FRAS1: variants seen among roughly 807,000 people sequenced by gnomAD.
FRAS1 encodes the protein extracellular matrix organizing protein FRAS1.
FRAS1 carries 290 observed loss-of-function variants against 435.2 expected under a neutral mutation model. That is an observed-to-expected ratio of 0.67 (90% CI 0.61 to 0.73). The LOEUF (loss-of-function observed/expected upper bound fraction) is 0.73. Ranked by LOEUF, FRAS1 falls within the 30% of genes least tolerant of loss-of-function variation. FRAS1 has a pLI of 0.00. For missense variants in FRAS1, 4,860 were observed against 5,001.5 expected, an observed-to-expected ratio of 0.97 and a Z score of 0.85; for synonymous variants, 1,800 against 1,851.0, an observed-to-expected ratio of 0.97 and a Z score of 0.71.
intron 4 of FRAS1, among the ~76,000 whole-genome samples, chr4:78,248,523 A>G (rs1725366651): frequency 6.6e-6 from 1 of 152,158 alleles, no homozygotes; most frequent in Non-Finnish European, 1.5e-5. Context: ...GGGAGTAGGA[A>G]GGGACAGGCC....
chr4:78,466,341 G>A lies in FRAS1; in HGVS notation c.7163G>A (p.Ser2388Asn), dbSNP rs77601278. 134 of 1,613,880 alleles carry A rather than the reference G, an allele frequency of 8.3e-5. No individual in the cohort carries two copies. The African/African-American group carries it at 1.7e-3, about 21-fold the overall frequency. The change falls in exon 50 of 74, where the codon AGC becomes AAC. Residue 2388 changes from serine (S) to asparagine (N), a missense_variant. Physicochemically the swap from Ser to Asn is conservative, Grantham distance 46. Transcript: ENST00000512123. ...KDIYQNRVSY[S>N]HDGSNSLKDR... ...ATCTACCAGAACCGGGTCAGCTACA[G>A]CCATGACGGCAGTAACTCCCTCAAG...
chr4:78,306,038 G>A (rs1376153795), intron 14 of FRAS1, among the ~76,000 whole-genome samples: 2 of 151,946 alleles, frequency 1.3e-5, no homozygotes, highest in Non-Finnish European at 2.9e-5. Context: ...TCCTTCAGGA[G>A]CTCTTTTATG....
In FRAS1 at chr4:78,445,525, A is replaced by T; in HGVS notation, c.5669A>T (p.Asp1890Val). ...YGCIENTGTGDRFGPETASDL... is the reference protein window; with the variant it reads ...YGCIENTGTGVRFGPETASDL... The stretch of plus-strand genomic sequence containing the variant: ...TGCTCTCTTGATGTTGATGCAGGTG[A>T]TCGTTTTGGCCCTGAAACTGCCAGT... The change falls in exon 42 of 74, where the codon GAT becomes GTT. Residue 1890 changes from aspartate (D) to valine (V), a missense_variant. Transcript: ENST00000512123. The T allele has an allele frequency of 1.3e-6, 2 of 1,565,460 alleles. No individual in the cohort carries two copies. Among genetic ancestry groups the T allele is most frequent in the South Asian group, 1.2e-5 (1 of 81,238 alleles).
At position 78,318,904 on chromosome 4, in the gene FRAS1, G is replaced by C; in HGVS notation, c.2055G>C (p.Leu685=). 1 of 1,614,024 alleles carries C rather than the reference G, an allele frequency of 6.2e-7. No homozygotes were observed. The highest frequency in any genetic ancestry group is 8.5e-7 in the Non-Finnish European group (1 of 1,179,880). The change falls in exon 18 of 74, where the codon CTG becomes CTC. Residue 685 remains leucine (L), a synonymous_variant. Coordinates refer to ENST00000512123, the MANE Select transcript of FRAS1 (RefSeq NM_025074.7). ...KPEEGLQVEQ[L]SDVGIPSGEC... Reference sequence around the variant, plus strand: ...AGGAAGGACTGCAAGTGGAGCAGCTGTCTGACGTGGGCATCCCCTCTGGCG... The same window carrying C: ...AGGAAGGACTGCAAGTGGAGCAGCTCTCTGACGTGGGCATCCCCTCTGGCG...
chr4:78,179,240 G>A (rs935331227), intron 2 of FRAS1, among the ~76,000 whole-genome samples: 2 of 152,234 alleles, frequency 1.3e-5, no homozygotes, highest in Non-Finnish European at 2.9e-5. Flanking sequence ...GACTGGAAGT[G>A]TATCTTCAGT....
At chr4:78,438,378 G>T (rs2109822515) in intron 38 of FRAS1, among the ~76,000 whole-genome samples, 192 bp from the exon 39 acceptor site, 1 of 152,298 alleles carries the variant, frequency 6.6e-6, no homozygotes, top group Admixed American at 6.5e-5. Flanking sequence ...TGTTATCAAA[G>T]AGGAATTTGG....
chr4:78,192,619 T>A (rs1011416329), intron 2 of FRAS1, among the ~76,000 whole-genome samples: 5 of 152,200 alleles, frequency 3.3e-5, no homozygotes, highest in Non-Finnish European at 5.9e-5. Flanking sequence ...GGTGGTGATA[T>A]CCCCTTTGTC....
intron 47 of FRAS1, among the ~76,000 whole-genome samples, chr4:78,454,436 G>A (rs1496584): frequency 0.71 from 107,777 of 152,020 alleles, 38,530 homozygotes; most frequent in Non-Finnish European, 0.74. Context: ...AGGAGGGCAT[G>A]CAGAGAGATG....
chr4:78,336,684 T>C (rs1387475983), intron 19 of FRAS1, among the ~76,000 whole-genome samples: 2 of 152,200 alleles, frequency 1.3e-5, no homozygotes, highest in African/African-American at 4.8e-5. Flanking sequence ...TCTTGGCCTC[T>C]TGCCAGAATC....
intron 2 of FRAS1, among the ~76,000 whole-genome samples, chr4:78,104,983 T>A (rs1418783882): frequency 2.0e-5 from 3 of 152,222 alleles, no homozygotes; most frequent in Admixed American, 1.3e-4. Flanking sequence ...CATTGATGTT[T>A]TTTTCTGATT....
intron 9 of FRAS1, among the ~76,000 whole-genome samples, chr4:78,277,461 C>T (rs973165579): frequency 2.0e-5 from 3 of 152,044 alleles, no homozygotes; most frequent in Non-Finnish European, 4.4e-5. Context: ...TGGAACCGCC[C>T]CCCCCATTCT....
chr4:78,528,952 G>A (rs1721628736), intron 70 of FRAS1, among the ~76,000 whole-genome samples: 1 of 152,070 alleles, frequency 6.6e-6, no homozygotes, highest in African/African-American at 2.4e-5. Context: ...TGGTGTGGCT[G>A]AGTAATTAAG....
rs116390837 is a variant in FRAS1, at chr4:78,539,750, T to A, written c.11445+310T>A. On this transcript the variant is annotated intron_variant, in intron 73 of 73. Coordinates refer to ENST00000512123, the MANE Select transcript of FRAS1 (RefSeq NM_025074.7). ...ATTGCATCCCTTTTTGGTTCTATGC[T>A]AGCCCAGCTGATTTTCACGGACATA... Among the ~76,000 whole-genome samples, 645 of 152,322 alleles carry A rather than the reference T, an allele frequency of 4.2e-3. 9 individuals carry two copies. The highest frequency in any genetic ancestry group is 0.014 in the African/African-American group (602 of 41,574).
At chr4:78,322,387 C>T (rs1578251926) in intron 18 of FRAS1, among the ~76,000 whole-genome samples, 3 of 152,066 alleles carry the variant, frequency 2.0e-5, no homozygotes, top group Admixed American at 6.5e-5. Context: ...TATGTGTGTG[C>T]GTGTGAGTGT....
intron 63 of FRAS1, among the ~76,000 whole-genome samples, chr4:78,510,198 G>A (rs11940606): frequency 0.33 from 50,026 of 152,124 alleles, 8,613 homozygotes; most frequent in Non-Finnish European, 0.39. Flanking sequence ...TAAAGGAGGT[G>A]TGGTCTGGTT....
intron 20 of FRAS1, among the ~76,000 whole-genome samples, chr4:78,356,415 T>C (rs1730859770): frequency 6.6e-6 from 1 of 152,202 alleles, no homozygotes; most frequent in Admixed American, 6.5e-5. Context: ...TTCCACTTTG[T>C]TTTCCTTTTA....
intron 70 of FRAS1, among the ~76,000 whole-genome samples, chr4:78,534,191 G>A (rs76038060): frequency 0.011 from 1,596 of 151,838 alleles, 23 homozygotes; most frequent in African/African-American, 0.037. Flanking sequence ...AGAGTGAAAG[G>A]GCCAAAAAAA....
In FRAS1 at chr4:78,479,613, G is replaced by T; in HGVS notation, c.8338G>T (p.Ala2780Ser). Residue 2780 changes from alanine to serine, a missense_variant, in exon 56 of 74, where the codon GCC becomes TCC. Physicochemically the swap from Ala to Ser is moderately conservative, Grantham distance 99. Coordinates refer to ENST00000512123, the MANE Select transcript of FRAS1 (RefSeq NM_025074.7). The part of the protein sequence containing the change: ...EIALADASDN[A>S]RIGRVATAKV... ...TGCCTTGGCAGATGCCTCTGACAAT[G>T]CCCGCATTGGAAGGGTGGCGACAGC... 1.9e-6 allele frequency: 3 copies of T among 1,613,940 alleles called. No homozygotes were observed. The highest frequency in any genetic ancestry group is 2.5e-6 in the Non-Finnish European group (3 of 1,179,804).
intron 18 of FRAS1, among the ~76,000 whole-genome samples, chr4:78,328,424 G>A (rs549703927): frequency 7.1e-4 from 108 of 152,258 alleles, no homozygotes; most frequent in African/African-American, 2.5e-3. Context: ...GCAAAAATCT[G>A]TTGCTTCAAG....
Sources: gnomAD v4.1 joint callset for allele counts (sites outside exome capture counted in the v4.1 genomes callset) on GRCh38, gnomAD v4.1.1 for gene constraint, MANE v1.5 for transcripts, NCBI Gene and HGNC (gene_info 2026-07-23, HGNC 2026-07-21) for gene names.